The following SLIT2 variants were observed in gnomAD, a reference collection of about 807,000 sequenced individuals.
SLIT2 encodes slit guidance ligand 2.
In SLIT2, 41 loss-of-function variants were observed where a neutral mutation model predicts 185.7. The ratio of observed to expected loss-of-function variants is 0.22; its 90% CI spans 0.17 to 0.29. The LOEUF (loss-of-function observed/expected upper bound fraction) is 0.29, where lower values mean the gene tolerates loss of function less well. Ranked by LOEUF, SLIT2 falls within the 10% of genes least tolerant of loss-of-function variation. The pLI is 1.00. For missense variants in SLIT2, 1,571 were observed against 1,909.0 expected, an observed-to-expected ratio of 0.82 and a Z score of 3.30; for synonymous variants, 693 against 680.2, an observed-to-expected ratio of 1.02 and a Z score of -0.29.
intron 4 of SLIT2, among the ~76,000 whole-genome samples, chr4:20,429,512 G>T (rs369696637): frequency 5.9e-5 from 9 of 152,084 alleles, no homozygotes; most frequent in East Asian, 5.8e-4. Flanking sequence ...GGAGAACCTG[G>T]AAGTAATGAT....
chr4:20,341,500 C>T (rs1313018361), intron 4 of SLIT2, among the ~76,000 whole-genome samples: 1 of 152,166 alleles, frequency 6.6e-6, no homozygotes, highest in Non-Finnish European at 1.5e-5. Context: ...TTCCGCAAGA[C>T]ATTTGTCATT....
chr4:20,557,955 A>G (rs1326899449), intron 26 of SLIT2, among the ~76,000 whole-genome samples: 1 of 152,078 alleles, frequency 6.6e-6, no homozygotes, highest in Non-Finnish European at 1.5e-5. Context: ...AGAGATTAGA[A>G]TTAGAAGTGG....
intron 5 of SLIT2, among the ~76,000 whole-genome samples, chr4:20,471,469 C>A (rs1456449298): frequency 6.6e-6 from 1 of 151,994 alleles, no homozygotes; most frequent in Non-Finnish European, 1.5e-5. Context: ...ATGTGTCATG[C>A]TAGTATGTCC....
chr4:20,486,248 C>T lies in SLIT2; in HGVS notation c.588C>T (p.Asn196=), dbSNP rs775949049. ...CTAGACTTTCTGTGGCAAGTTTCAA[C>T]CATATGCCTAAACTTAGGACTTTGT... ...NITRLSVASF[N]HMPKLRTFRL... Residue 196 remains asparagine (N), a synonymous_variant, in exon 7 of 37, where the codon AAC becomes AAT. Coordinates refer to ENST00000504154, the MANE Select transcript of SLIT2 (RefSeq NM_004787.4). 1 of 1,597,382 alleles carries T rather than the reference C, an allele frequency of 6.3e-7. No individual in the cohort carries two copies. The highest frequency in any genetic ancestry group is 8.6e-7 in the Non-Finnish European group (1 of 1,165,022).
At chr4:20,327,793 A>T (rs1381969904) in intron 4 of SLIT2, among the ~76,000 whole-genome samples, 1 of 152,044 alleles carries the variant, frequency 6.6e-6, no homozygotes, top group Admixed American at 6.6e-5. Flanking sequence ...AATTATCATC[A>T]TCCATCTCCT....
At chr4:20,399,560 C>A (rs1171494448) in intron 4 of SLIT2, among the ~76,000 whole-genome samples, 1 of 151,738 alleles carries the variant, frequency 6.6e-6, no homozygotes, top group African/African-American at 2.4e-5. Context: ...AATCTCTCCC[C>A]TATTTTTGTT....
intron 4 of SLIT2, among the ~76,000 whole-genome samples, chr4:20,397,078 G>A (rs1406718751): frequency 6.6e-6 from 1 of 151,514 alleles, no homozygotes; most frequent in Non-Finnish European, 1.5e-5. Flanking sequence ...CTGGCTTGAT[G>A]TATGCATGAA....
chr4:20,286,338 CT>C (rs1009927307), intron 4 of SLIT2, among the ~76,000 whole-genome samples: 2 of 152,204 alleles, frequency 1.3e-5, no homozygotes, highest in African/African-American at 2.4e-5. Context: ...CTCTTGGCTC[CT>C]TTTCCCTTCC....
At chr4:20,565,082 C>T (rs568192174) in intron 26 of SLIT2, among the ~76,000 whole-genome samples, 4 of 152,054 alleles carry the variant, frequency 2.6e-5, no homozygotes, top group Non-Finnish European at 4.4e-5. Context: ...AAGACAATCT[C>T]TTTAATTTCT....
intron 5 of SLIT2, among the ~76,000 whole-genome samples, chr4:20,468,725 GA>G (rs1714637754): frequency 6.6e-6 from 1 of 152,042 alleles, no homozygotes; most frequent in African/African-American, 2.4e-5. Context: ...ATGTAGGGGA[GA>G]AAAGCCCCTG....
chr4:20,559,225 A>C (rs1471661879), intron 26 of SLIT2, among the ~76,000 whole-genome samples: 1 of 152,028 alleles, frequency 6.6e-6, no homozygotes, highest in Non-Finnish European at 1.5e-5. Context: ...AGTTCAGTTT[A>C]ATATTCACTA....
At chr4:20,603,332 G>T (rs1200763437) in intron 33 of SLIT2, among the ~76,000 whole-genome samples, 1 of 152,080 alleles carries the variant, frequency 6.6e-6, no homozygotes, top group African/African-American at 2.4e-5. Context: ...ATAACACGGG[G>T]AATTATGGGA....
At chr4:20,477,603 T>C (rs1010909205) in intron 5 of SLIT2, among the ~76,000 whole-genome samples, 3 of 152,130 alleles carry the variant, frequency 2.0e-5, no homozygotes, top group African/African-American at 7.2e-5. Flanking sequence ...GAGAGGTAAT[T>C]TGGAATTTGA....
intron 4 of SLIT2, among the ~76,000 whole-genome samples, chr4:20,318,214 T>G (rs2109154806): frequency 1.3e-5 from 2 of 152,318 alleles, no homozygotes; most frequent in South Asian, 4.1e-4. Flanking sequence ...TAATCCACTT[T>G]GGTAATGTGA....
rs535618875 is a variant in SLIT2, at chr4:20,446,162, T to C, written c.396-21590T>C. 2.0e-4 allele frequency among the ~76,000 whole-genome samples: 30 copies of C among 152,346 alleles called. No individual in the cohort carries two copies. The South Asian group carries it at 5.0e-3, about 25-fold the overall frequency. ...AGACAGTTGTCAGATGGGAATTTTC[T>C]CAGTGGTTTGCCCACTTAAGGCAGT... On this transcript the variant is annotated intron_variant, in intron 4 of 36. Coordinates refer to ENST00000504154, the MANE Select transcript of SLIT2 (RefSeq NM_004787.4).
intron 4 of SLIT2, among the ~76,000 whole-genome samples, chr4:20,376,443 A>C (rs1724029418): frequency 6.6e-6 from 1 of 152,086 alleles, no homozygotes. Context: ...AGCATACTTC[A>C]AAATTCGAAG....
intron 29 of SLIT2, among the ~76,000 whole-genome samples, chr4:20,576,465 G>C (rs527699633): frequency 6.6e-6 from 1 of 152,164 alleles, no homozygotes; most frequent in African/African-American, 2.4e-5. Context: ...ATTTGGCTGA[G>C]TTGGATTTGT....
chr4:20,332,476 G>A (rs145837345), intron 4 of SLIT2, among the ~76,000 whole-genome samples: 1 of 152,212 alleles, frequency 6.6e-6, no homozygotes, highest in African/African-American at 2.4e-5. Context: ...GAGGTCAGGA[G>A]TTCGAGACCA....
rs561958493 is a variant in SLIT2, at chr4:20,341,919, C to T, written c.395+73038C>T. 1.7e-3 allele frequency among the ~76,000 whole-genome samples: 255 copies of T among 152,222 alleles called. 2 individuals carry two copies. Among genetic ancestry groups the T allele is most frequent in the Non-Finnish European group, 2.7e-3 (187 of 68,000 alleles). On this transcript the variant is annotated intron_variant, in intron 4 of 36. Coordinates refer to ENST00000504154, the MANE Select transcript of SLIT2 (RefSeq NM_004787.4). The stretch of plus-strand genomic sequence containing the variant: ...TTGTCAAATAGGATGTTATAATTTT[C>T]GCATGAAATTGCATTTTTGTCTACA...
Sources: allele counts gnomAD v4.1 joint callset (sites outside exome capture counted in the v4.1 genomes callset), GRCh38; gene constraint gnomAD v4.1.1; transcripts MANE v1.5; gene names NCBI Gene and HGNC (gene_info 2026-07-23, HGNC 2026-07-21).